Variants in ANK3 observed in about 807,000 individuals in gnomAD.
The protein encoded by ANK3 is ankyrin-3.
A neutral mutation model predicts 370.9 loss-of-function variants in ANK3; 57 were observed. The ratio of observed to expected loss-of-function variants is 0.15; its 90% CI spans 0.12 to 0.19. The LOEUF (loss-of-function observed/expected upper bound fraction) is 0.19. Ranked by LOEUF, ANK3 falls within the 10% of genes least tolerant of loss-of-function variation. ANK3 has a pLI of 1.00. For missense variants in ANK3, 4,439 were observed against 5,302.1 expected (o/e 0.84, Z 5.06); for synonymous variants, 1,929 against 1,946.3 (o/e 0.99, Z 0.23).
intron 1 of ANK3, among the ~76,000 whole-genome samples, chr10:60,347,808 C>T (rs1025566504): frequency 6.6e-6 from 1 of 152,118 alleles, no homozygotes; most frequent in Non-Finnish European, 1.5e-5. Context: ...GGACTCACCC[C>T]CTGAGAATTT....
chr10:60,267,071 T>C (rs190273321), intron 5 of ANK3, among the ~76,000 whole-genome samples: 1 of 152,290 alleles, frequency 6.6e-6, no homozygotes, highest in Admixed American at 6.5e-5. Flanking sequence ...TTGCTACATA[T>C]ATACAAGATT....
chr10:60,645,681 C>T (rs1022968648), intron 1 of ANK3, among the ~76,000 whole-genome samples: 2 of 151,972 alleles, frequency 1.3e-5, no homozygotes, highest in Admixed American at 6.6e-5. Flanking sequence ...GCCAAGATCA[C>T]ACCACTGCAC....
At chr10:60,182,064 T>C (rs1434755550) in intron 17 of ANK3, among the ~76,000 whole-genome samples, 1 of 151,674 alleles carries the variant, frequency 6.6e-6, no homozygotes, top group African/African-American at 2.4e-5. Flanking sequence ...TCAGTGTTCA[T>C]CTACAAAAAT....
chr10:60,703,520 A>T (rs1447041576), intron 1 of ANK3, among the ~76,000 whole-genome samples: 2 of 152,182 alleles, frequency 1.3e-5, no homozygotes, highest in African/African-American at 4.8e-5. Flanking sequence ...TGAACAGTCA[A>T]CCACAGCGTT....
intron 2 of ANK3, among the ~76,000 whole-genome samples, chr10:60,595,916 T>C (rs1226896629): frequency 6.6e-6 from 1 of 152,152 alleles, no homozygotes; most frequent in Non-Finnish European, 1.5e-5. Flanking sequence ...TCCCCAGATA[T>C]TGCCAACAAG....
chr10:60,154,725 G>A (rs1206341168), intron 23 of ANK3, among the ~76,000 whole-genome samples: 1 of 152,130 alleles, frequency 6.6e-6, no homozygotes, highest in Non-Finnish European at 1.5e-5. Context: ...AACCTGGGAG[G>A]CGGAAGTTAC....
At chr10:60,221,448 C>T (rs2097056206) in intron 8 of ANK3, among the ~76,000 whole-genome samples, 2 of 152,080 alleles carry the variant, frequency 1.3e-5, no homozygotes, top group South Asian at 2.1e-4. Context: ...TTAACATAGA[C>T]AGAATATTAT....
At chr10:60,061,058 A>C (rs2080349820) in intron 40 of ANK3, among the ~76,000 whole-genome samples, 1 of 152,216 alleles carries the variant, frequency 6.6e-6, no homozygotes, top group South Asian at 2.1e-4. Flanking sequence ...GGAAAAAAGC[A>C]ACAAACCACA....
chr10:60,306,394 T>G (rs964691903), intron 1 of ANK3, among the ~76,000 whole-genome samples: 1 of 151,562 alleles, frequency 6.6e-6, no homozygotes, highest in South Asian at 2.1e-4. Flanking sequence ...TTTCACTTCT[T>G]TTTATGGCTG....
In ANK3 at chr10:60,076,335, G is replaced by T. The variant is rs1373123275; in HGVS notation, c.4546C>A (p.Pro1516Thr). 1 of 1,613,964 alleles carries T rather than the reference G, an allele frequency of 6.2e-7. No individual in the cohort carries two copies. The highest frequency in any genetic ancestry group is 1.3e-5 in the African/African-American group (1 of 74,926). Residue 1516 changes from proline (P) to threonine (T), a missense_variant, in exon 37 of 44, where the codon CCA becomes ACA. Physicochemically the swap from Pro to Thr is conservative, Grantham distance 38. This residue lies in a region of ANK3 where 679 missense variants were observed against 791.0 expected (regional missense o/e 0.86). Transcript: ENST00000280772. Reference protein sequence around the residue: ...WTTAPITVPGPAKSGFTSLSS... With the variant: ...WTTAPITVPGTAKSGFTSLSS... Reference sequence around the variant, plus strand: ...AAGGAAGTGAAGCCTGACTTGGCTGGCCCAGGCACTGTAATCGGAGCTGTT... The same window carrying T: ...AAGGAAGTGAAGCCTGACTTGGCTGTCCCAGGCACTGTAATCGGAGCTGTT...
At chr10:60,082,314 A>G in intron 34 of ANK3, 138 bp from the exon 35 acceptor site, 1 of 839,262 alleles carries the variant, frequency 1.2e-6, no homozygotes, top group South Asian at 1.8e-5. Flanking sequence ...TTTTAAAAAA[A>G]GCCAACAAAA....
intron 1 of ANK3, among the ~76,000 whole-genome samples, chr10:60,645,741 A>C (rs2078702138): frequency 6.6e-6 from 1 of 152,086 alleles, no homozygotes; most frequent in South Asian, 2.1e-4. Flanking sequence ...AAAAGAAAAA[A>C]GAAAATAATA....
At chr10:60,058,748 A>C (rs1413407747) in intron 41 of ANK3, among the ~76,000 whole-genome samples, 2 of 152,124 alleles carry the variant, frequency 1.3e-5, no homozygotes, top group African/African-American at 4.8e-5. Context: ...ATGGACTTTC[A>C]TTCATTATTC....
chr10:60,276,513 G>C (rs1014703282), intron 4 of ANK3, among the ~76,000 whole-genome samples: 1 of 152,150 alleles, frequency 6.6e-6, no homozygotes, highest in Non-Finnish European at 1.5e-5. Context: ...TCAGATGAAG[G>C]GGCAAATGCT....
intron 2 of ANK3, among the ~76,000 whole-genome samples, chr10:60,516,763 G>A (rs2076229100): frequency 6.6e-6 from 1 of 152,038 alleles, no homozygotes; most frequent in Non-Finnish European, 1.5e-5. Context: ...GGGCAACATA[G>A]CAAGACCCTA....
At chr10:60,268,190 A>G (rs1296390985) in intron 5 of ANK3, among the ~76,000 whole-genome samples, 4 of 152,160 alleles carry the variant, frequency 2.6e-5, no homozygotes, top group African/African-American at 7.2e-5. Flanking sequence ...TGTTATTTTG[A>G]TATCAACCAG....
At chr10:60,602,154 CA>C (rs914427149) in intron 2 of ANK3, among the ~76,000 whole-genome samples, 6 of 152,096 alleles carry the variant, frequency 3.9e-5, no homozygotes, top group African/African-American at 1.4e-4. Context: ...TTATTTCTCA[CA>C]AAAATCCATA....
At chr10:60,324,222 G>A (rs894632377) in intron 1 of ANK3, among the ~76,000 whole-genome samples, 3 of 152,168 alleles carry the variant, frequency 2.0e-5, no homozygotes, top group African/African-American at 2.4e-5. Context: ...TGTACATGTC[G>A]AGAATATGTC....
intron 1 of ANK3, among the ~76,000 whole-genome samples, chr10:60,351,383 A>G (rs2056835826): frequency 6.6e-6 from 1 of 152,192 alleles, no homozygotes; most frequent in African/African-American, 2.4e-5. Context: ...AACCCCTCAG[A>G]TGCACGCTAA....
Sources: allele counts gnomAD v4.1 joint callset (sites outside exome capture counted in the v4.1 genomes callset), GRCh38; gene constraint gnomAD v4.1.1; regional missense constraint gnomAD v4.1.1; transcripts MANE v1.5; gene names NCBI Gene and HGNC (gene_info 2026-07-23, HGNC 2026-07-21).